Variants in DOCK2 observed in about 807,000 individuals in gnomAD.
DOCK2 encodes dedicator of cytokinesis protein 2.
A neutral mutation model predicts 248.9 loss-of-function variants in DOCK2; 87 were observed. The ratio of observed to expected loss-of-function variants is 0.35; its 90% confidence interval spans 0.29 to 0.42. DOCK2 has a LOEUF of 0.42. Among genes scored for constraint, DOCK2 ranks in the 10% least tolerant of loss-of-function variants. The pLI is 1.00. For missense variants in DOCK2, 1,747 were observed against 2,300.2 expected (o/e 0.76, Z 4.92); for synonymous variants, 805 against 821.6 (o/e 0.98, Z 0.35).
intron 27 of DOCK2, among the ~76,000 whole-genome samples, chr5:169,982,504 A>T (rs1777969963): frequency 6.6e-6 from 1 of 151,994 alleles, no homozygotes; most frequent in Non-Finnish European, 1.5e-5. Flanking sequence ...TTCTCTCATG[A>T]TTAATCTCGC....
chr5:169,648,034 A>G (rs1757570122), intron 1 of DOCK2, among the ~76,000 whole-genome samples: 1 of 151,498 alleles, frequency 6.6e-6, no homozygotes, highest in Non-Finnish European at 1.5e-5. Flanking sequence ...CTCTCTTCCA[A>G]CTCTGTAGTG....
At chr5:169,953,174 T>C (rs188072586) in intron 27 of DOCK2, among the ~76,000 whole-genome samples, 1 of 151,884 alleles carries the variant, frequency 6.6e-6, no homozygotes, top group Non-Finnish European at 1.5e-5. Flanking sequence ...ATACAAAAAA[T>C]TAGCTGGGTG....
At chr5:170,057,373 C>A (rs1207802317) in intron 43 of DOCK2, 2 of 627,058 alleles carry the variant, frequency 3.2e-6, no homozygotes, top group African/African-American at 3.6e-5. Context: ...TGGCCTAAGT[C>A]CAGGGAGAGC....
chr5:169,727,489 A>C (rs190032271), intron 22 of DOCK2, among the ~76,000 whole-genome samples: 1 of 152,260 alleles, frequency 6.6e-6, no homozygotes, highest in African/African-American at 2.4e-5. Flanking sequence ...GGCCTGATGC[A>C]TCTGGAGAGG....
intron 46 of DOCK2, among the ~76,000 whole-genome samples, chr5:170,073,030 A>G (rs984732796): frequency 6.6e-6 from 1 of 152,172 alleles, no homozygotes; most frequent in African/African-American, 2.4e-5. Context: ...TTAATTTATC[A>G]TATTTTTAAA....
At chr5:169,714,591 A>G (rs1230860539) in intron 19 of DOCK2, 134 bp downstream of exon 19, 2 of 895,496 alleles carry the variant, frequency 2.2e-6, no homozygotes, top group Non-Finnish European at 3.3e-6. Context: ...CACTCTCCCG[A>G]GTTGCCTTGA....
chr5:170,077,793 C>T lies in DOCK2; in HGVS notation c.4950C>T (p.Ser1650=), dbSNP rs761874305. Reference sequence around the variant, plus strand: ...AGATGTCCATCATCTCTCTGGCTTCCATGAATTCTGACTGCAGCACCCCCA... The same window carrying T: ...AGATGTCCATCATCTCTCTGGCTTCTATGAATTCTGACTGCAGCACCCCCA... ...YRQMSIISLA[S]MNSDCSTPSK... Residue 1650 remains serine (S), a synonymous_variant, in exon 48 of 52, where the codon TCC becomes TCT. Coordinates refer to ENST00000520908, the MANE Select transcript of DOCK2 (RefSeq NM_004946.3). 21 of 1,613,776 alleles carry T rather than the reference C, an allele frequency of 1.3e-5. 1 individual carries two copies. In the South Asian group the frequency reaches 2.1e-4, roughly 16 times the overall value.
chr5:169,813,578 A>G (rs1044385706), intron 26 of DOCK2, among the ~76,000 whole-genome samples: 2 of 152,230 alleles, frequency 1.3e-5, no homozygotes, highest in African/African-American at 2.4e-5. Flanking sequence ...ATGCCTGTGC[A>G]ATTCTCTTCC....
At chr5:169,709,254 C>G (rs998026272) in intron 15 of DOCK2, among the ~76,000 whole-genome samples, 8 of 152,168 alleles carry the variant, frequency 5.3e-5, no homozygotes, top group African/African-American at 1.9e-4. Context: ...TTGGTAGTGG[C>G]AGGCAGCTTT....
At chr5:169,998,110 A>T (rs1754710897) in intron 30 of DOCK2, 1 of 451,738 alleles carries the variant, frequency 2.2e-6, no homozygotes, top group African/African-American at 2.0e-5. Context: ...ACCCCCACTC[A>T]CTCCACAGTC....
chr5:169,702,632 G>T, intron 14 of DOCK2: 1 of 502,994 alleles, frequency 2.0e-6, no homozygotes, highest in African/African-American at 1.9e-5. Context: ...CACCAAAGCA[G>T]TTTTTCAATG....
At chr5:169,985,348 C>CGTGTGTGTGTGTGT (rs5873200) in intron 28 of DOCK2, among the ~76,000 whole-genome samples, 13 of 136,860 alleles carry the variant, frequency 9.5e-5, no homozygotes, top group Admixed American at 3.6e-4. Flanking sequence ...CTAATCTGCT[C>CGTGTGTGTGTGTGT]GTGTGTGTGT....
intron 27 of DOCK2, among the ~76,000 whole-genome samples, chr5:169,924,716 G>T (rs913396755): frequency 1.3e-4 from 20 of 152,124 alleles, no homozygotes; most frequent in Non-Finnish European, 1.2e-4. Context: ...TTTGAAGGAG[G>T]GCTGAAAGTT....
intron 26 of DOCK2, among the ~76,000 whole-genome samples, chr5:169,829,204 A>G (rs887044176): frequency 9.9e-5 from 15 of 152,110 alleles, no homozygotes; most frequent in Admixed American, 3.9e-4. Flanking sequence ...CTGGAAAAAT[A>G]GTTGCAAAAA....
intron 34 of DOCK2, among the ~76,000 whole-genome samples, chr5:170,030,884 T>C (rs1756110236): frequency 3.9e-5 from 6 of 152,172 alleles, no homozygotes; most frequent in Admixed American, 3.9e-4. Flanking sequence ...ATGGCTTGGA[T>C]GGGGCCTTGG....
At chr5:169,831,585 A>C (rs1258876414) in intron 26 of DOCK2, among the ~76,000 whole-genome samples, 3 of 152,214 alleles carry the variant, frequency 2.0e-5, no homozygotes, top group Admixed American at 1.3e-4. Flanking sequence ...CCTGGGCTGG[A>C]ACTTGGATTA....
At chr5:169,852,147 A>C (rs1770650884) in intron 27 of DOCK2, among the ~76,000 whole-genome samples, 1 of 152,182 alleles carries the variant, frequency 6.6e-6, no homozygotes, top group East Asian at 1.9e-4. Flanking sequence ...GCAGTCACAC[A>C]GAAGAATGAC....
chr5:169,935,156 T>C (rs921160649), intron 27 of DOCK2, among the ~76,000 whole-genome samples: 1 of 152,190 alleles, frequency 6.6e-6, no homozygotes, highest in African/African-American at 2.4e-5. Flanking sequence ...GCCCTCTTAA[T>C]TGGAGGGAGC....
chr5:169,819,221 A>T (rs1768263922), intron 26 of DOCK2, among the ~76,000 whole-genome samples: 1 of 152,138 alleles, frequency 6.6e-6, no homozygotes, highest in African/African-American at 2.4e-5. Context: ...GAGGAAGGAG[A>T]ATCACTTGAA....
Sources: allele counts gnomAD v4.1 joint callset (sites outside exome capture counted in the v4.1 genomes callset), GRCh38; gene constraint gnomAD v4.1.1; transcripts MANE v1.5; gene names NCBI Gene and HGNC (gene_info 2026-07-23, HGNC 2026-07-21).